The following IRAK1BP1 variants were observed in gnomAD, a reference collection of about 807,000 sequenced individuals.
The protein encoded by IRAK1BP1 is interleukin-1 receptor-associated kinase 1-binding protein 1.
Under a neutral mutation model 28.0 loss-of-function variants are expected in IRAK1BP1, and 24 were observed. The ratio of observed to expected loss-of-function variants is 0.86; its 90% CI spans 0.62 to 1.20. The LOEUF (loss-of-function observed/expected upper bound fraction) is 1.20, where lower values mean the gene tolerates loss of function less well. Ranked by LOEUF, IRAK1BP1 falls within the 50% of genes most tolerant of loss-of-function variation. IRAK1BP1 has a pLI of 0.00. For missense variants in IRAK1BP1, 336 were observed against 316.7 expected, an observed-to-expected ratio of 1.06 and a Z score of -0.46; for synonymous variants, 131 against 116.3, an observed-to-expected ratio of 1.13 and a Z score of -0.81.
At chr6:78,890,407 T>A (rs1394854362) in intron 2 of IRAK1BP1, among the ~76,000 whole-genome samples, 1 of 121,884 alleles carries the variant, frequency 8.2e-6, no homozygotes. Context: ...GAACTTAAAG[T>A]ATAAGTTAAA....
At chr6:78,894,962 G>T (rs1359604659) in intron 2 of IRAK1BP1, among the ~76,000 whole-genome samples, 1 of 151,980 alleles carries the variant, frequency 6.6e-6, no homozygotes. Context: ...ACAAAAATTA[G>T]CTGGGCATGG....
chr6:78,914,804 G>GGTTTT (rs1772516098), intron 4 of IRAK1BP1, among the ~76,000 whole-genome samples: 1 of 151,906 alleles, frequency 6.6e-6, no homozygotes, highest in South Asian at 2.1e-4. Context: ...ACAGGTTTTT[G>GGTTTT]GTTTTGTTTT....
rs147572537 is a variant in IRAK1BP1 at position 78,874,627 on chromosome 6, A to AAC, written c.315+6738_315+6739dup. ...GGAACAGAGGGACATTTTAAGTGAC[A>AAC]ACATGAAATTATAGTCAGAAATTCC... On this transcript the variant is annotated intron_variant, in intron 1 of 3. Coordinates refer to ENST00000369940, the MANE Select transcript of IRAK1BP1 (RefSeq NM_001010844.4). 5.9e-3 allele frequency among the ~76,000 whole-genome samples: 894 copies of AAC among 152,344 alleles called. 8 individuals carry two copies. Among genetic ancestry groups the AAC allele is most frequent in the African/African-American group, 0.02 (847 of 41,588 alleles).
intron 4 of IRAK1BP1, among the ~76,000 whole-genome samples, chr6:78,912,848 G>C (rs567443733): frequency 1.4e-3 from 212 of 152,156 alleles, no homozygotes; most frequent in African/African-American, 4.8e-3. Flanking sequence ...TAGCACCCAG[G>C]CTCTTGATTT....
At chr6:78,969,990 A>G in the IRAK1BP1 span, 81 of 1,597,110 alleles carry the variant, frequency 5.1e-5, no homozygotes, top group Non-Finnish European at 6.7e-5. Flanking sequence ...AATGTATCTG[A>G]ATCTTGAAAA....
chr6:78,885,271 A>G (rs1032613889), intron 1 of IRAK1BP1, 107 bp from the exon 2 acceptor site: 2 of 621,542 alleles, frequency 3.2e-6, no homozygotes, highest in Non-Finnish European at 5.7e-6. Flanking sequence ...TTCTTTTTGC[A>G]TATTTTATGT....
chr6:78,962,866 A>C, the IRAK1BP1 span, among the ~76,000 whole-genome samples: 5 of 152,096 alleles, frequency 3.3e-5, no homozygotes, highest in African/African-American at 1.2e-4. Context: ...TGCCTCTGGC[A>C]CTTCTAGGAG....
rs971083255 is a variant in IRAK1BP1 at position 78,885,286 on chromosome 6, C to G, written c.316-92C>G. The G allele has an allele frequency of 6.8e-5, 45 of 663,760 alleles. No homozygotes were observed. In the African/African-American group the frequency reaches 7.6e-4, roughly 11 times the overall value. 41.1% of individuals were successfully genotyped at this position (663,760 alleles called of 1,614,324 possible). ...TTCTTTTTGCATATTTTATGTTTTT[C>G]TGATTTTAATTAGTGTAGGTTTCTA... On this transcript the variant is annotated intron_variant, in intron 1 of 3. Coordinates refer to ENST00000369940, the MANE Select transcript of IRAK1BP1 (RefSeq NM_001010844.4).
At chr6:78,939,048 A>G (rs1773371849) in intron 4 of IRAK1BP1, 1 of 151,750 alleles carries the variant, frequency 6.6e-6, no homozygotes, top group Admixed American at 6.6e-5. Flanking sequence ...TTTGTACCAT[A>G]CCAGTCCTCA....
At chr6:78,880,500 ATTG>A (rs1305110476) in intron 1 of IRAK1BP1, among the ~76,000 whole-genome samples, 1 of 152,156 alleles carries the variant, frequency 6.6e-6, no homozygotes, top group Non-Finnish European at 1.5e-5. Context: ...TGTGAAAAAC[ATTG>A]TTAAGAAAAT....
In IRAK1BP1 at chr6:78,902,312, T is replaced by A; in HGVS notation, c.*3978T>A. On this transcript the variant is annotated 3_prime_UTR_variant, in exon 4 of 4. Coordinates refer to ENST00000369940, the MANE Select transcript of IRAK1BP1 (RefSeq NM_001010844.4). ...TGCACACCACCAGGCCTGGCTAATT[T>A]TTTATTAGTGATAAGGTCTTGCTAT... The A allele has an allele frequency of 6.6e-6, 1 of 152,280 alleles. No individual in the cohort carries two copies. Among genetic ancestry groups the A allele is most frequent in the East Asian group, 1.9e-4 (1 of 5,188 alleles). The allele number at this position is 152,280 out of a possible 1,614,324, so 9.4% of individuals were successfully genotyped here.
the IRAK1BP1 span, among the ~76,000 whole-genome samples, chr6:78,965,341 G>A: frequency 3.9e-5 from 6 of 152,132 alleles, no homozygotes; most frequent in Non-Finnish European, 5.9e-5. Context: ...ACTGATGTCC[G>A]TCTCACTCAA....
At chr6:78,963,515 G>A in the IRAK1BP1 span, among the ~76,000 whole-genome samples, 1 of 152,006 alleles carries the variant, frequency 6.6e-6, no homozygotes, top group African/African-American at 2.4e-5. Context: ...AAGTACATGT[G>A]CAGAAATCAT....
At chr6:78,906,931 T>C (rs1772276193), downstream of IRAK1BP1, among the ~76,000 whole-genome samples, 1 of 152,200 alleles carries the variant, frequency 6.6e-6, no homozygotes, top group Non-Finnish European at 1.5e-5. Flanking sequence ...CTCTGAAAGA[T>C]GGTGGCTATT....
the IRAK1BP1 span, among the ~76,000 whole-genome samples, chr6:78,974,927 C>T: frequency 4.6e-5 from 7 of 151,556 alleles, no homozygotes; most frequent in South Asian, 2.1e-4. Flanking sequence ...GATTCACAGC[C>T]GAATTCTACC....
exon 5 of IRAK1BP1, chr6:78,945,750 T>C (rs1271566274): frequency 3.3e-6 from 2 of 599,298 alleles, no homozygotes; most frequent in Non-Finnish European, 2.9e-6. Context: ...CTAGCTAGTG[T>C]GGGTACTGTG....
rs978189049 is a variant in IRAK1BP1, at chr6:78,871,453, A to G, written c.315+3562A>G. On this transcript the variant is annotated intron_variant, in intron 1 of 3. Transcript: ENST00000369940. ...TTTTCTCCTTTTTGCTTCACAACAG[A>G]CCACCTCAGCCACCATGACACCCAG... 4.1e-6 allele frequency: 4 copies of G among 985,496 alleles called. No homozygotes were observed. The Admixed American group carries it at 2.5e-4, about 61-fold the overall frequency. The allele number at this position is 985,496 out of a possible 1,614,324, so 61.0% of individuals were successfully genotyped here. A position where few individuals can be genotyped will look rare whatever the true frequency, so the allele number is the denominator to read the frequency against.
At chr6:78,888,254 T>C (rs1346258439) in intron 2 of IRAK1BP1, among the ~76,000 whole-genome samples, 1 of 152,170 alleles carries the variant, frequency 6.6e-6, no homozygotes, top group Non-Finnish European at 1.5e-5. Flanking sequence ...TGCAGATGAA[T>C]TCTAGATATG....
chr6:78,925,373 A>T (rs912873930), intron 4 of IRAK1BP1, among the ~76,000 whole-genome samples: 5 of 152,210 alleles, frequency 3.3e-5, no homozygotes, highest in Admixed American at 6.5e-5. Context: ...AGAAATGACA[A>T]AAGACATGAA....
Sources: allele counts gnomAD v4.1 joint callset (sites outside exome capture counted in the v4.1 genomes callset), GRCh38; gene constraint gnomAD v4.1.1; transcripts MANE v1.5; gene names NCBI Gene and HGNC (gene_info 2026-07-23, HGNC 2026-07-21).